The following TRPS1 variants were observed in gnomAD, a reference collection of about 807,000 sequenced individuals.
TRPS1 encodes transcriptional repressor GATA binding 1.
A neutral mutation model predicts 101.2 loss-of-function variants in TRPS1; 6 were observed. The ratio of observed to expected loss-of-function variants is 0.06; its 90% CI spans 0.03 to 0.12. TRPS1 has a LOEUF of 0.12. TRPS1 is among the 10% of genes least tolerant of loss of function. The pLI is 1.00. For synonymous variants in TRPS1, 578 were observed against 589.8 expected, an observed-to-expected ratio of 0.98 and a Z score of 0.29; for missense variants, 1,363 against 1,567.0, an observed-to-expected ratio of 0.87 and a Z score of 2.20.
At chr8:115,649,077 AAAC>A (rs1811501024) in intron 1 of TRPS1, among the ~76,000 whole-genome samples, 1 of 152,226 alleles carries the variant, frequency 6.6e-6, no homozygotes, top group Admixed American at 6.5e-5. Flanking sequence ...ACAGTTACTT[AAAC>A]TAATAGAGTT....
chr8:115,635,700 A>C (rs1818752963), intron 1 of TRPS1, among the ~76,000 whole-genome samples: 1 of 152,190 alleles, frequency 6.6e-6, no homozygotes, highest in Non-Finnish European at 1.5e-5. Flanking sequence ...GAGAGGATTG[A>C]GTGATTCCAA....
chr8:115,429,976 T>G (rs535162501), intron 5 of TRPS1, among the ~76,000 whole-genome samples: 1 of 152,292 alleles, frequency 6.6e-6, no homozygotes, highest in South Asian at 2.1e-4. Context: ...TACCAAGCTC[T>G]TAAAGATATT....
intron 5 of TRPS1, among the ~76,000 whole-genome samples, chr8:115,502,108 A>G (rs1563557456): frequency 6.6e-6 from 1 of 152,196 alleles, no homozygotes; most frequent in Non-Finnish European, 1.5e-5. Flanking sequence ...AAAATGAATC[A>G]TCAGGAAGAT....
At chr8:115,592,418 ATCTTAAGACTCTGGG>A (rs1432366396) in intron 4 of TRPS1, among the ~76,000 whole-genome samples, 19 of 152,214 alleles carry the variant, frequency 1.2e-4, no homozygotes, top group African/African-American at 4.3e-4. Flanking sequence ...GTTATTCAGA[ATCTTAAGACTCTGGG>A]TCTTACTACT....
At chr8:115,517,660 A>C (rs1483735217) in intron 5 of TRPS1, among the ~76,000 whole-genome samples, 1 of 151,764 alleles carries the variant, frequency 6.6e-6, no homozygotes, top group Non-Finnish European at 1.5e-5. Context: ...TTCTGCATCA[A>C]AGAAAATAAC....
intron 5 of TRPS1, among the ~76,000 whole-genome samples, chr8:115,493,884 C>T (rs1374218436): frequency 6.6e-6 from 1 of 152,052 alleles, no homozygotes; most frequent in African/African-American, 2.4e-5. Context: ...AGGGCTATAG[C>T]ATGGAATTAT....
chr8:115,664,819 T>C (rs1235214495), intron 1 of TRPS1, among the ~76,000 whole-genome samples: 1 of 152,120 alleles, frequency 6.6e-6, no homozygotes, highest in Non-Finnish European at 1.5e-5. Flanking sequence ...ACTACCACAC[T>C]AGCTGTCCTG....
rs114592360 is a variant in TRPS1, at chr8:115,429,121, G to A, written c.2701-10669C>T. Among the ~76,000 whole-genome samples the A allele has an allele frequency of 8.9e-3, 1,359 of 152,136 alleles. 27 individuals are homozygous for A. Among genetic ancestry groups the A allele is most frequent in the African/African-American group, 0.032 (1,310 of 41,504 alleles). On this transcript the variant is annotated intron_variant, in intron 5 of 6. Coordinates refer to ENST00000395715, the MANE Select transcript of TRPS1 (RefSeq NM_014112.5). ...TTTTGTAATAACTGAAATCTTTCAC[G>A]GGAAAACTACCTCTTCAATAACTCA... is the stretch of plus-strand genomic sequence containing the variant.
intron 5 of TRPS1, among the ~76,000 whole-genome samples, chr8:115,479,233 A>C (rs993027604): frequency 6.6e-6 from 1 of 152,170 alleles, no homozygotes; most frequent in Non-Finnish European, 1.5e-5. Flanking sequence ...CGTCAAAACT[A>C]TGATTGAATT....
intron 5 of TRPS1, among the ~76,000 whole-genome samples, chr8:115,503,669 C>A (rs1421902652): frequency 6.6e-6 from 1 of 152,056 alleles, no homozygotes; most frequent in Non-Finnish European, 1.5e-5. Context: ...GTTTACAAAA[C>A]TAAGAGTTTA....
intron 5 of TRPS1, among the ~76,000 whole-genome samples, chr8:115,439,364 A>C (rs2129870836): frequency 6.6e-6 from 1 of 152,330 alleles, no homozygotes; most frequent in Non-Finnish European, 1.5e-5. Context: ...ACATTGAGCT[A>C]GTGGACATGG....
intron 1 of TRPS1, among the ~76,000 whole-genome samples, chr8:115,654,090 A>G (rs1301643327): frequency 6.6e-6 from 1 of 152,224 alleles, no homozygotes; most frequent in Non-Finnish European, 1.5e-5. Flanking sequence ...GATTTAAGTA[A>G]AATACCTCAG....
At chr8:115,466,126 G>A (rs945486682) in intron 5 of TRPS1, among the ~76,000 whole-genome samples, 2 of 151,868 alleles carry the variant, frequency 1.3e-5, no homozygotes, top group African/African-American at 2.4e-5. Context: ...ATTATAATCC[G>A]GCTTCAGTAA....
intron 5 of TRPS1, among the ~76,000 whole-genome samples, chr8:115,558,675 T>G (rs1816880676): frequency 6.6e-6 from 1 of 152,198 alleles, no homozygotes; most frequent in African/African-American, 2.4e-5. Flanking sequence ...TCAGTGGGGT[T>G]CTGTACAATT....
chr8:115,427,794 A>C (rs1206887845), intron 5 of TRPS1, among the ~76,000 whole-genome samples: 1 of 141,662 alleles, frequency 7.1e-6, no homozygotes, highest in Non-Finnish European at 1.5e-5. Flanking sequence ...TTTGAGGTCG[A>C]CAGACACAGT....
chr8:115,526,882 G>T (rs567189135), intron 5 of TRPS1, among the ~76,000 whole-genome samples: 1 of 152,228 alleles, frequency 6.6e-6, no homozygotes, highest in African/African-American at 2.4e-5. Flanking sequence ...TCCTACCAAG[G>T]AATTTTTAGG....
chr8:115,651,583 G>A (rs534760146), intron 1 of TRPS1, among the ~76,000 whole-genome samples: 42 of 152,244 alleles, frequency 2.8e-4, no homozygotes, highest in Admixed American at 2.5e-3. Context: ...AATGAATTAC[G>A]TATGCTCTCA....
chr8:115,599,857 G>A (rs1158405012), intron 4 of TRPS1, among the ~76,000 whole-genome samples: 1 of 146,828 alleles, frequency 6.8e-6, no homozygotes, highest in Non-Finnish European at 1.5e-5. Context: ...TATATACCCA[G>A]TAATGGGATT....
chr8:115,444,791 C>T (rs1813691934), intron 5 of TRPS1, among the ~76,000 whole-genome samples: 1 of 152,164 alleles, frequency 6.6e-6, no homozygotes, highest in Non-Finnish European at 1.5e-5. Context: ...CTCCACCATC[C>T]TGAAATTGGC....
Sources: gnomAD v4.1 joint callset for allele counts (sites outside exome capture counted in the v4.1 genomes callset) on GRCh38, gnomAD v4.1.1 for gene constraint, MANE v1.5 for transcripts, NCBI Gene and HGNC (gene_info 2026-07-23, HGNC 2026-07-21) for gene names.